Variants in PDE7B observed in about 807,000 individuals in gnomAD.
PDE7B encodes 3',5'-cyclic-AMP phosphodiesterase 7B.
Under a neutral mutation model 56.2 loss-of-function variants are expected in PDE7B, and 29 were observed. The ratio of observed to expected loss-of-function variants is 0.52; its 90% confidence interval spans 0.38 to 0.70. The LOEUF (loss-of-function observed/expected upper bound fraction) is 0.70, where lower values mean the gene tolerates loss of function less well. PDE7B is among the 30% of genes least tolerant of loss of function. The pLI is 0.00. For missense variants in PDE7B, 490 were observed against 565.0 expected (o/e 0.87, Z 1.35); for synonymous variants, 197 against 196.9 (o/e 1.00, Z 0.00).
intron 8 of PDE7B, 26 bp from the exon 9 acceptor site, chr6:136,173,771 A>T: frequency 6.9e-7 from 1 of 1,458,072 alleles, no homozygotes; most frequent in Non-Finnish European, 9.6e-7. Context: ...CCTCTCATTT[A>T]TAACTCTTAT....
intron 9 of PDE7B, among the ~76,000 whole-genome samples, chr6:136,175,297 A>G (rs976768841): frequency 1.2e-4 from 18 of 152,204 alleles, no homozygotes; most frequent in African/African-American, 3.4e-4. Context: ...TATTCCTTCT[A>G]TCACAGGTAA....
chr6:136,046,935 T>C lies in PDE7B; in HGVS notation c.83-61796T>C, dbSNP rs111741274. Among the ~76,000 whole-genome samples, 326 of 152,322 alleles carry C rather than the reference T, an allele frequency of 2.1e-3. 3 individuals carry two copies. The highest frequency in any genetic ancestry group is 7.4e-3 in the African/African-American group (307 of 41,566). On this transcript the variant is annotated intron_variant, in intron 2 of 12. Transcript: ENST00000308191. Reference sequence around the variant, plus strand: ...TCCCTTCTTTTCTTCTCATTCTTGCTATAATATTCCAAATGATCTTCCACG... The same window carrying C: ...TCCCTTCTTTTCTTCTCATTCTTGCCATAATATTCCAAATGATCTTCCACG...
rs528354647 is a variant in PDE7B, at chr6:136,076,839, G to A, written c.83-31892G>A. 3.3e-5 allele frequency among the ~76,000 whole-genome samples: 5 copies of A among 152,216 alleles called. No individual in the cohort carries two copies. In the South Asian group the frequency reaches 1.0e-3, roughly 32 times the overall value. On this transcript the variant is annotated intron_variant, in intron 2 of 12. Transcript: ENST00000308191. Reference sequence around the variant, plus strand: ...CTATTCTAAGGTCATGGGAATGAAGGCAAAGATGTGTACTAAACGACAGCA... The same window carrying A: ...CTATTCTAAGGTCATGGGAATGAAGACAAAGATGTGTACTAAACGACAGCA...
At chr6:135,905,348 ATGTG>A (rs71682918) in intron 1 of PDE7B, among the ~76,000 whole-genome samples, 72,004 of 148,026 alleles carry the variant, frequency 0.49, 17,347 homozygotes, top group Middle Eastern at 0.57. Context: ...GTGTGTGTGT[ATGTG>A]TGTGTGTGTG....
At chr6:136,139,502 G>A (rs574398744) in intron 3 of PDE7B, among the ~76,000 whole-genome samples, 81 of 152,254 alleles carry the variant, frequency 5.3e-4, no homozygotes, top group African/African-American at 1.9e-3. Flanking sequence ...GGATGGCTGG[G>A]TCAAATGGTA....
At chr6:135,878,717 G>A (rs1010657468) in intron 1 of PDE7B, among the ~76,000 whole-genome samples, 1 of 152,140 alleles carries the variant, frequency 6.6e-6, no homozygotes, top group African/African-American at 2.4e-5. Context: ...CACAGCTTGG[G>A]AGGGTATCTT....
intron 2 of PDE7B, among the ~76,000 whole-genome samples, chr6:136,068,232 A>C (rs953356066): frequency 5.2e-4 from 79 of 152,262 alleles, no homozygotes; most frequent in African/African-American, 1.7e-3. Flanking sequence ...CAGTACATGA[A>C]AGATGTACAT....
chr6:136,087,087 T>C (rs969263075), intron 2 of PDE7B, among the ~76,000 whole-genome samples: 20 of 152,252 alleles, frequency 1.3e-4, no homozygotes, highest in African/African-American at 3.9e-4. Flanking sequence ...TTGGTTAGAA[T>C]GAGAAAGACA....
At chr6:135,929,482 C>A (rs1774257095) in intron 1 of PDE7B, among the ~76,000 whole-genome samples, 1 of 152,104 alleles carries the variant, frequency 6.6e-6, no homozygotes, top group Non-Finnish European at 1.5e-5. Flanking sequence ...TAAAATACTT[C>A]ATTTTTAAAT....
At chr6:136,181,056 T>C (rs1361600628) in intron 10 of PDE7B, among the ~76,000 whole-genome samples, 171 bp from the exon 11 acceptor site, 1 of 152,212 alleles carries the variant, frequency 6.6e-6, no homozygotes, top group Non-Finnish European at 1.5e-5. Flanking sequence ...AGGCTTTGTA[T>C]CATGGTGAAT....
intron 2 of PDE7B, among the ~76,000 whole-genome samples, chr6:135,964,194 C>T (rs764851085): frequency 2.0e-5 from 3 of 151,920 alleles, no homozygotes; most frequent in Non-Finnish European, 2.9e-5. Context: ...ACCTCCGCCA[C>T]GAGGGTTCAA....
chr6:135,860,230 G>A (rs1775119387), intron 1 of PDE7B, among the ~76,000 whole-genome samples: 1 of 151,954 alleles, frequency 6.6e-6, no homozygotes, highest in African/African-American at 2.4e-5. Flanking sequence ...GCGGCTAATA[G>A]TTGAAATGCA....
At chr6:136,004,662 C>T (rs1261846579) in intron 2 of PDE7B, among the ~76,000 whole-genome samples, 1 of 151,948 alleles carries the variant, frequency 6.6e-6, no homozygotes, top group East Asian at 1.9e-4. Context: ...TGAAGGACCT[C>T]TTCAAGGAGA....
chr6:136,133,845 T>C (rs1778162459), intron 3 of PDE7B, among the ~76,000 whole-genome samples: 1 of 151,708 alleles, frequency 6.6e-6, no homozygotes, highest in African/African-American at 2.4e-5. Flanking sequence ...TTTCAACAGG[T>C]GGGGAGAATA....
chr6:136,098,149 A>AAAAATATAT (rs1311774244), intron 2 of PDE7B: 6 of 135,540 alleles, frequency 4.4e-5, no homozygotes, highest in African/African-American at 1.6e-4. Flanking sequence ...GGGGGGGGGA[A>AAAAATATAT]ATATATGTAT....
In PDE7B at chr6:135,852,308, T is replaced by TA. The variant is rs906725762; in HGVS notation, c.21+300dup. 1.1e-3 allele frequency among the ~76,000 whole-genome samples: 161 copies of TA among 147,624 alleles called. 2 individuals are homozygous for TA. In the Middle Eastern group the frequency reaches 0.024, roughly 22 times the overall value. ...TTTGAGCCCACACTGAGGTGGTCTT[T>TA]AAAAAAAAAAATAAAGAATGCAATA... On this transcript the variant is annotated intron_variant, in intron 1 of 12. Transcript: ENST00000308191.
chr6:136,054,973 A>G (rs1419028197), intron 2 of PDE7B, among the ~76,000 whole-genome samples: 1 of 152,188 alleles, frequency 6.6e-6, no homozygotes, highest in Admixed American at 6.5e-5. Flanking sequence ...ACCTCCCACC[A>G]GGTCCCTCCC....
At chr6:136,051,373 C>G (rs367769064) in intron 2 of PDE7B, among the ~76,000 whole-genome samples, 1 of 152,194 alleles carries the variant, frequency 6.6e-6, no homozygotes, top group Non-Finnish European at 1.5e-5. Context: ...GATAAGCAAT[C>G]GCGAGCATCC....
In PDE7B at chr6:136,179,127, C is replaced by T; in HGVS notation, c.934C>T (p.His312Tyr). The T allele has an allele frequency of 6.2e-7, 1 of 1,613,896 alleles. No homozygotes were observed. The highest frequency in any genetic ancestry group is 1.1e-5 in the South Asian group (1 of 91,018). The change falls in exon 10 of 13, where the codon CAC becomes TAC. Residue 312 changes from histidine (H) to tyrosine (Y), a missense_variant. By Grantham distance (83) the His-to-Tyr change is moderately conservative (BLOSUM62 2). Coordinates refer to ENST00000308191, the MANE Select transcript of PDE7B (RefSeq NM_018945.4). ...DLRLEDAQDR[H>Y]FMLQIALKCA... ...AAGACTGGAGGATGCACAGGACAGG[C>T]ACTTTATGCTTCAGGTAAACGAAAC...
Sources: gnomAD v4.1 joint callset for allele counts (sites outside exome capture counted in the v4.1 genomes callset) on GRCh38, gnomAD v4.1.1 for gene constraint, MANE v1.5 for transcripts, NCBI Gene and HGNC (gene_info 2026-07-23, HGNC 2026-07-21) for gene names.